PTRH2: variants seen among roughly 807,000 people sequenced by gnomAD.
The protein encoded by PTRH2 is peptidyl-tRNA hydrolase 2.
A neutral mutation model predicts 12.3 loss-of-function variants in PTRH2; 10 were observed. That is an observed-to-expected ratio of 0.81 (90% CI 0.50 to 1.38). The LOEUF is 1.38. Ranked by LOEUF, PTRH2 falls within the 40% of genes most tolerant of loss-of-function variation. The pLI, the probability that PTRH2 is intolerant of heterozygous loss-of-function variation, is 0.00. For missense variants in PTRH2, 176 were observed against 214.1 expected (o/e 0.82, Z 1.11); for synonymous variants, 73 against 77.4 (o/e 0.94, Z 0.30).
chr17:59,702,675 A>G (rs188949861), intron 1 of PTRH2, among the ~76,000 whole-genome samples: 1 of 152,340 alleles, frequency 6.6e-6, no homozygotes, highest in Non-Finnish European at 1.5e-5. Flanking sequence ...CACACTGGCT[A>G]AACACTCTAT....
At chr17:59,706,930 C>T (rs1267177276) in intron 1 of PTRH2, among the ~76,000 whole-genome samples, 1 of 152,170 alleles carries the variant, frequency 6.6e-6, no homozygotes, top group Non-Finnish European at 1.5e-5. Flanking sequence ...ACATCAGCCT[C>T]CCAAAGTGCT....
chr17:59,701,736 C>T (rs753077984), intron 1 of PTRH2, among the ~76,000 whole-genome samples: 28 of 152,078 alleles, frequency 1.8e-4, no homozygotes, highest in African/African-American at 5.6e-4. Context: ...GATGGAGTCT[C>T]GCTCTGTCGC....
chr17:59,701,841 C>T (rs1212790085), intron 1 of PTRH2, among the ~76,000 whole-genome samples: 1 of 151,740 alleles, frequency 6.6e-6, no homozygotes, highest in Non-Finnish European at 1.5e-5. Context: ...TACAGGCACC[C>T]ACCATCACAC....
chr17:59,697,390 A>G lies in PTRH2; in HGVS notation c.*49T>C, dbSNP rs2033456249. The G allele has an allele frequency of 1.3e-6, 2 of 1,516,968 alleles. No homozygotes were observed. The highest frequency in any genetic ancestry group is 8.9e-7 in the Non-Finnish European group (1 of 1,124,046). The allele number at this position is 1,516,968 out of a possible 1,614,324, so 94.0% of individuals were successfully genotyped here. ...TCAGCTTTTGTTGTTAGAATCTGAC[A>G]GGCTTCAAACACTTGTGATGGAGGG... On this transcript the variant is annotated 3_prime_UTR_variant, in exon 2 of 2. Coordinates refer to ENST00000393038, the MANE Select transcript of PTRH2 (RefSeq NM_016077.5).
At chr17:59,700,591 G>A (rs2033538250) in intron 1 of PTRH2, 1 of 152,150 alleles carries the variant, frequency 6.6e-6, no homozygotes, top group South Asian at 2.1e-4. Context: ...GTCTTTGGTG[G>A]GGCAGAAATT....
intron 1 of PTRH2, among the ~76,000 whole-genome samples, chr17:59,702,176 C>A (rs779869542): frequency 6.6e-6 from 1 of 152,120 alleles, no homozygotes; most frequent in Non-Finnish European, 1.5e-5. Flanking sequence ...GCCATACACC[C>A]TGTTAAGCTG....
At chr17:59,704,535 G>A (rs1489094484) in intron 1 of PTRH2, among the ~76,000 whole-genome samples, 3 of 152,192 alleles carry the variant, frequency 2.0e-5, no homozygotes, top group Admixed American at 6.6e-5. Context: ...GGAAGAGTAT[G>A]AGGCCACTTG....
chr17:59,700,734 GAAGA>G, intron 1 of PTRH2: 1 of 152,280 alleles, frequency 6.6e-6, no homozygotes, highest in Non-Finnish European at 1.5e-5. Flanking sequence ...GATGAAGCCA[GAAGA>G]AAGGCAGGTA....
rs773499239 is a variant in PTRH2 at position 59,697,417 on chromosome 17, T to C, written c.*22A>G. On this transcript the variant is annotated 3_prime_UTR_variant, in exon 2 of 2. Coordinates refer to ENST00000393038, the MANE Select transcript of PTRH2 (RefSeq NM_016077.5). ...GCTTCAAACACTTGTGATGGAGGGG[T>C]TGTTGTCATATCAAAGTCCACCTAG... 1.3e-6 allele frequency: 2 copies of C among 1,586,084 alleles called. No individual in the cohort carries two copies. The highest frequency in any genetic ancestry group is 1.7e-6 in the Non-Finnish European group (2 of 1,162,162).
intron 1 of PTRH2, chr17:59,699,906 T>C (rs1258138655): frequency 6.6e-6 from 1 of 152,454 alleles, no homozygotes; most frequent in Non-Finnish European, 1.5e-5. Context: ...CATGATGGAA[T>C]GTGAAAACAC....
At chr17:59,700,287 T>C (rs1283696782) in intron 1 of PTRH2, 1 of 152,242 alleles carries the variant, frequency 6.6e-6, no homozygotes, top group African/African-American at 2.4e-5. Flanking sequence ...ATAAGACACT[T>C]ATATCAGTCT....
At chr17:59,702,551 G>A (rs767712735) in intron 1 of PTRH2, among the ~76,000 whole-genome samples, 1 of 152,162 alleles carries the variant, frequency 6.6e-6, no homozygotes, top group South Asian at 2.1e-4. Context: ...CCACAGGGAC[G>A]CCTGTTCTAA....
intron 1 of PTRH2, among the ~76,000 whole-genome samples, chr17:59,706,478 CCG>C (rs2033663408): frequency 6.6e-6 from 1 of 152,092 alleles, no homozygotes; most frequent in African/African-American, 2.4e-5. Flanking sequence ...GGCTGAGCCA[CCG>C]CGCCGGGTCT....
chr17:59,707,264 A>G (rs1329489569), intron 1 of PTRH2, 107 bp downstream of exon 1: 1 of 152,662 alleles, frequency 6.6e-6, no homozygotes, highest in Non-Finnish European at 1.5e-5. Flanking sequence ...AAAGGAGAAA[A>G]TGAAGAAGGT....
At position 59,697,702 on chromosome 17, in the gene PTRH2, C is replaced by T. The variant is rs769066334; in HGVS notation, c.277G>A (p.Ala93Thr). 2 of 1,614,186 alleles carry T rather than the reference C, an allele frequency of 1.2e-6. No homozygotes were observed. The highest frequency in any genetic ancestry group is 1.1e-5 in the South Asian group (1 of 91,090). Residue 93 changes from alanine to threonine, a missense_variant, in exon 2 of 2, where the codon GCC becomes ACC. Ala to Thr is a moderately conservative substitution (Grantham distance 58, BLOSUM62 0). Transcript: ENST00000393038. ...AAQCSHAAVS[A>T]YKQIQRRNPE... ...TTTCTTCTTTGAATCTGCTTGTAGG[C>T]TGAAACAGCAGCATGAGAGCACTGG...
rs746659595 is a variant in PTRH2 at position 59,697,934 on chromosome 17, A to G, written c.45T>C (p.Ser15=). 1.9e-6 allele frequency: 3 copies of G among 1,613,988 alleles called. No homozygotes were observed. The highest frequency in any genetic ancestry group is 2.2e-5 in the South Asian group (2 of 91,080). ...SLVMEYLAHP[S]TLGLAVGVAC... ...CAACTCCAACAGCCAAGCCGAGTGT[A>G]CTGGGATGAGCCAAATATTCCATAA... The change falls in exon 2 of 2, where the codon AGT becomes AGC. Residue 15 remains serine (S), a synonymous_variant. Transcript: ENST00000393038.
intron 1 of PTRH2, among the ~76,000 whole-genome samples, chr17:59,701,677 G>A (rs1183284320): frequency 1.3e-5 from 2 of 148,464 alleles, no homozygotes; most frequent in African/African-American, 2.5e-5. Context: ...TTTCTTTCAT[G>A]CTGTTTTAAA....
At chr17:59,707,057 CCAG>C (rs2143661962) in intron 1 of PTRH2, 1 of 152,288 alleles carries the variant, frequency 6.6e-6, no homozygotes, top group African/African-American at 2.4e-5. Flanking sequence ...TCATAAGTGC[CCAG>C]CTGAGGGTAT....
At chr17:59,699,172 T>G in intron 1 of PTRH2, 2 of 355,370 alleles carry the variant, frequency 5.6e-6, no homozygotes, top group South Asian at 3.9e-5. Flanking sequence ...CTGTGGCGAA[T>G]CTCTCGTAAT....
Sources: allele counts gnomAD v4.1 joint callset (sites outside exome capture counted in the v4.1 genomes callset), GRCh38; gene constraint gnomAD v4.1.1; transcripts MANE v1.5; gene names NCBI Gene and HGNC (gene_info 2026-07-23, HGNC 2026-07-21).